RGL1: variants seen among roughly 807,000 people sequenced by gnomAD.
RGL1 encodes ral guanine nucleotide dissociation stimulator like 1.
RGL1 carries 24 observed loss-of-function variants against 95.2 expected under a neutral mutation model. That is an observed-to-expected ratio of 0.25 (90% CI 0.18 to 0.35). RGL1 has a LOEUF of 0.35. RGL1 is among the 10% of genes least tolerant of loss of function. The pLI is 1.00. For missense variants in RGL1, 715 were observed against 936.3 expected (o/e 0.76, Z 3.08); for synonymous variants, 329 against 344.9 (o/e 0.95, Z 0.51).
exon 2 of RGL1, chr1:183,742,131 TAA>T (rs1657345979): frequency 6.2e-7 from 1 of 1,613,400 alleles, no homozygotes; most frequent in Non-Finnish European, 8.5e-7. Flanking sequence ...CACAGATCCG[TAA>T]TGCCTCCTGC....
intron 9 of RGL1, among the ~76,000 whole-genome samples, chr1:183,895,311 G>T (rs1183292084): frequency 6.6e-6 from 1 of 152,094 alleles, no homozygotes; most frequent in Non-Finnish European, 1.5e-5. Context: ...CCCAAGAACA[G>T]CATGGATGAG....
chr1:183,773,777 A>G (rs1264082090), intron 2 of RGL1, among the ~76,000 whole-genome samples: 1 of 152,242 alleles, frequency 6.6e-6, no homozygotes, highest in African/African-American at 2.4e-5. Flanking sequence ...CATCTTAAGT[A>G]GTATGGATAC....
chr1:183,711,296 C>T (rs1174160046), intron 1 of RGL1, among the ~76,000 whole-genome samples: 1 of 152,166 alleles, frequency 6.6e-6, no homozygotes, highest in African/African-American at 2.4e-5. Context: ...TTCATAGGCA[C>T]CCAGATTCCA....
intron 2 of RGL1, among the ~76,000 whole-genome samples, chr1:183,763,167 C>A (rs373925603): frequency 6.6e-6 from 1 of 152,266 alleles, no homozygotes; most frequent in East Asian, 1.9e-4. Flanking sequence ...CATATTCTCA[C>A]TCATAAGTGG....
At chr1:183,739,364 A>G (rs376012924) in intron 1 of RGL1, among the ~76,000 whole-genome samples, 5 of 152,220 alleles carry the variant, frequency 3.3e-5, no homozygotes, top group African/African-American at 1.2e-4. Context: ...GCGGCGGGAG[A>G]GTAGGATGGA....
At chr1:183,911,064 A>C (rs1010350087) in intron 14 of RGL1, among the ~76,000 whole-genome samples, 1 of 152,164 alleles carries the variant, frequency 6.6e-6, no homozygotes, top group South Asian at 2.1e-4. Flanking sequence ...ATTTTGTATC[A>C]CGAGTTTATC....
At chr1:183,856,950 T>C (rs1482901602) in intron 3 of RGL1, among the ~76,000 whole-genome samples, 1 of 152,138 alleles carries the variant, frequency 6.6e-6, no homozygotes, top group Non-Finnish European at 1.5e-5. Flanking sequence ...TTTATAATAA[T>C]TTACATATCC....
rs749437217 is a variant in RGL1 at position 183,897,916 on chromosome 1, T to C, written c.1230+19T>C. 1 of 1,604,074 alleles carries C rather than the reference T, an allele frequency of 6.2e-7. No individual in the cohort carries two copies. The highest frequency in any genetic ancestry group is 8.5e-7 in the Non-Finnish European group (1 of 1,171,136). On this transcript the variant is annotated intron_variant, in intron 10 of 17. Transcript: ENST00000360851. ...GGACATGGTATGTCTGGCCCTCGTC[T>C]TCCCTGACAGCTCACAGAGGAGAAG...
At chr1:183,844,009 A>G (rs1029745411) in intron 2 of RGL1, among the ~76,000 whole-genome samples, 2 of 151,324 alleles carry the variant, frequency 1.3e-5, no homozygotes, top group African/African-American at 4.9e-5. Flanking sequence ...TATTTTTAGT[A>G]GAGATGGGGT....
chr1:183,692,023 A>G (rs893259226), intron 1 of RGL1, among the ~76,000 whole-genome samples: 4 of 150,912 alleles, frequency 2.7e-5, no homozygotes, highest in Non-Finnish European at 5.9e-5. Flanking sequence ...ATTTATGTAT[A>G]TATGAATATG....
chr1:183,789,910 T>A (rs1027483780), intron 2 of RGL1, among the ~76,000 whole-genome samples: 1 of 151,254 alleles, frequency 6.6e-6, no homozygotes, highest in Non-Finnish European at 1.5e-5. Flanking sequence ...AACCTAATAG[T>A]CAGAAGCAGG....
intron 2 of RGL1, among the ~76,000 whole-genome samples, chr1:183,761,616 G>C (rs370147073): frequency 2.6e-5 from 4 of 152,154 alleles, no homozygotes; most frequent in African/African-American, 9.7e-5. Context: ...GTGAGTATTT[G>C]CTTTAACTTA....
intron 1 of RGL1, among the ~76,000 whole-genome samples, chr1:183,711,909 C>T (rs1388936439): frequency 3.3e-5 from 5 of 152,230 alleles, no homozygotes; most frequent in Non-Finnish European, 7.3e-5. Flanking sequence ...TCGTTAGTCA[C>T]AGATGCAAAG....
At chr1:183,844,469 T>G (rs1205946213) in intron 2 of RGL1, among the ~76,000 whole-genome samples, 1 of 152,142 alleles carries the variant, frequency 6.6e-6, no homozygotes, top group Non-Finnish European at 1.5e-5. Context: ...ACCATACCCC[T>G]CTCTTGGAGT....
chr1:183,847,374 G>A (rs1490083629), intron 2 of RGL1, among the ~76,000 whole-genome samples, 192 bp from the exon 3 acceptor site: 3 of 152,104 alleles, frequency 2.0e-5, no homozygotes, highest in South Asian at 2.1e-4. Flanking sequence ...AGGATCACTC[G>A]AGCCCAGGAG....
At chr1:183,736,067 A>C (rs937549186) in intron 1 of RGL1, among the ~76,000 whole-genome samples, 2 of 152,242 alleles carry the variant, frequency 1.3e-5, no homozygotes, top group African/African-American at 4.8e-5. Context: ...GCACACTTAC[A>C]ATAGACTACA....
At chr1:183,865,765 GT>G (rs960925711) in intron 3 of RGL1, among the ~76,000 whole-genome samples, 6 of 152,216 alleles carry the variant, frequency 3.9e-5, no homozygotes, top group African/African-American at 1.4e-4. Flanking sequence ...TTAAGAGAAA[GT>G]TTTAAGTAGT....
intron 2 of RGL1, among the ~76,000 whole-genome samples, chr1:183,844,883 T>A (rs1664311226): frequency 1.3e-5 from 2 of 152,228 alleles, no homozygotes; most frequent in Non-Finnish European, 2.9e-5. Flanking sequence ...GATAAAGCCA[T>A]CTACCACATA....
In RGL1 at chr1:183,874,588, G is replaced by A. The variant is rs777782828; in HGVS notation, c.426-6028G>A. ...TTCTTAGTGCTTAAATCTGACTCTG[G>A]CTTTGTTGGCATTATTTCCCTGGTC... On this transcript the variant is annotated intron_variant, in intron 4 of 17. Coordinates refer to ENST00000360851, the MANE Select transcript of RGL1 (RefSeq NM_001297671.3). Among the ~76,000 whole-genome samples the A allele has an allele frequency of 6.6e-5, 10 of 151,488 alleles. No individual in the cohort carries two copies. In the Middle Eastern group the frequency reaches 0.01, roughly 156 times the overall value.
Sources: allele counts gnomAD v4.1 joint callset (sites outside exome capture counted in the v4.1 genomes callset), GRCh38; gene constraint gnomAD v4.1.1; transcripts MANE v1.5; gene names NCBI Gene and HGNC (gene_info 2026-07-23, HGNC 2026-07-21).